RNF144B: variants seen among roughly 807,000 people sequenced by gnomAD.
The protein encoded by RNF144B is E3 ubiquitin-protein ligase RNF144B.
A neutral mutation model predicts 40.2 loss-of-function variants in RNF144B; 25 were observed. The observed-to-expected ratio is 0.62, with a 90% CI of 0.45 to 0.87. The LOEUF (loss-of-function observed/expected upper bound fraction) is 0.87. Among genes scored for constraint, RNF144B ranks in the 40% least tolerant of loss-of-function variants. The pLI, the probability that RNF144B is intolerant of heterozygous loss-of-function variation, is 0.00. For synonymous variants in RNF144B, 145 were observed against 136.3 expected (o/e 1.06, Z -0.44); for missense variants, 365 against 373.7 (o/e 0.98, Z 0.19).
At chr6:18,396,763 GA>G in intron 1 of RNF144B, 8 of 985,426 alleles carry the variant, frequency 8.1e-6, no homozygotes, top group South Asian at 4.7e-5. Flanking sequence ...ATGAGCCCGG[GA>G]GTACTGGAGA....
At position 18,387,582 on chromosome 6, in the gene RNF144B, G is replaced by A. The variant is rs1428920400; in HGVS notation, c.-85G>A. The stretch of plus-strand genomic sequence containing the variant: ...AGCCCGGACTGGCGGTGAGCGCGAG[G>A]GAGGCTACTGAGAAGCCCGGCGACG... On this transcript the variant is annotated 5_prime_UTR_variant, in exon 1 of 8. Coordinates refer to ENST00000259939, the MANE Select transcript of RNF144B (RefSeq NM_182757.4). 4 of 1,324,932 alleles carry A rather than the reference G, an allele frequency of 3.0e-6. No individual in the cohort carries two copies. Among genetic ancestry groups the A allele is most frequent in the Non-Finnish European group, 3.0e-6 (3 of 1,008,124 alleles). 82.1% of individuals were successfully genotyped at this position (1,324,932 alleles called of 1,614,324 possible).
At chr6:18,393,361 C>G (rs1794626130) in intron 1 of RNF144B, among the ~76,000 whole-genome samples, 1 of 152,182 alleles carries the variant, frequency 6.6e-6, no homozygotes, top group Admixed American at 6.5e-5. Flanking sequence ...CAAAGGAGGT[C>G]TACCATAAGC....
chr6:18,432,948 C>A (rs1209747299), intron 3 of RNF144B, among the ~76,000 whole-genome samples: 1 of 152,172 alleles, frequency 6.6e-6, no homozygotes, highest in African/African-American at 2.4e-5. Flanking sequence ...TAGGGCAGGG[C>A]ATTCTGGAGA....
intron 1 of RNF144B, among the ~76,000 whole-genome samples, chr6:18,390,629 T>C (rs1192504615): frequency 6.6e-6 from 1 of 152,262 alleles, no homozygotes; most frequent in Non-Finnish European, 1.5e-5. Context: ...CTAAATCTTT[T>C]GAAGTCACGA....
intron 2 of RNF144B, among the ~76,000 whole-genome samples, chr6:18,409,960 A>G (rs954880492): frequency 1.3e-5 from 2 of 152,164 alleles, no homozygotes; most frequent in African/African-American, 4.8e-5. Context: ...GTGGAACAGA[A>G]TTTTATTTCT....
intron 3 of RNF144B, among the ~76,000 whole-genome samples, chr6:18,438,134 A>G (rs1162783015): frequency 6.6e-6 from 1 of 152,202 alleles, no homozygotes; most frequent in African/African-American, 2.4e-5. Context: ...CCCATGATGA[A>G]TTAGCGACAA....
intron 4 of RNF144B, among the ~76,000 whole-genome samples, chr6:18,454,771 G>T (rs1487502593): frequency 6.6e-6 from 1 of 151,972 alleles, no homozygotes; most frequent in Non-Finnish European, 1.5e-5. Flanking sequence ...CTTCCCTTTT[G>T]TCACCCCAGA....
At position 18,405,688 on chromosome 6, in the gene RNF144B, C is replaced by T. The variant is rs1037937806; in HGVS notation, c.165+5989C>T. 2.6e-5 allele frequency among the ~76,000 whole-genome samples: 4 copies of T among 152,118 alleles called. No individual in the cohort carries two copies. The highest frequency in any genetic ancestry group is 7.2e-5 in the African/African-American group (3 of 41,410). ...TGGCACTATATTTTTCCACTGACAACGGAGCCACTGCAGGGTCAGATGGCA... is the reference window on the plus strand; with the variant it reads ...TGGCACTATATTTTTCCACTGACAATGGAGCCACTGCAGGGTCAGATGGCA... On this transcript the variant is annotated intron_variant, in intron 2 of 7. Transcript: ENST00000259939. The surrounding 1 kb of genome is among the most constrained non-coding windows in gnomAD (Gnocchi z 4.5).
intron 3 of RNF144B, 49 bp from the exon 4 acceptor site, chr6:18,439,626 TGGTAACTCA>T: frequency 2.6e-6 from 3 of 1,165,142 alleles, no homozygotes; most frequent in South Asian, 2.5e-5. Context: ...ATCAAAAGGC[TGGTAACTCA>T]GGGCACTATG....
chr6:18,411,274 T>C (rs1171218549), intron 2 of RNF144B, among the ~76,000 whole-genome samples: 22 of 150,914 alleles, frequency 1.5e-4, no homozygotes, highest in African/African-American at 5.4e-4. Flanking sequence ...TAAGCCACCG[T>C]GCCCAGTGAA....
In RNF144B at chr6:18,464,023, G is replaced by T. The variant is rs1351617024; in HGVS notation, c.771+643G>T. ...CCTGGCCCTGTCCTTGACACGTGGG[G>T]ATTATTACAATTCAAGATGAGATTT... On this transcript the variant is annotated intron_variant, in intron 7 of 7. Transcript: ENST00000259939. The surrounding 1 kb of genome is among the most constrained non-coding windows in gnomAD (Gnocchi z 6.1). Among the ~76,000 whole-genome samples the T allele has an allele frequency of 6.6e-6, 1 of 152,090 alleles. No individual in the cohort carries two copies. Among genetic ancestry groups the T allele is most frequent in the East Asian group, 1.9e-4 (1 of 5,176 alleles).
rs752677119 is a variant in RNF144B, at chr6:18,406,104, A to G, written c.165+6405A>G. 3 of 519,030 alleles carry G rather than the reference A, an allele frequency of 5.8e-6. No individual in the cohort carries two copies. The highest frequency in any genetic ancestry group is 1.4e-5 in the South Asian group (1 of 71,590). The allele number at this position is 519,030 out of a possible 1,614,324, so 32.2% of individuals were successfully genotyped here. On this transcript the variant is annotated intron_variant, in intron 2 of 7. Coordinates refer to ENST00000259939, the MANE Select transcript of RNF144B (RefSeq NM_182757.4). This position sits in a 1 kb window ranked among gnomAD's most constrained non-coding sequence, Gnocchi z 4.2. ...CTTGCATAGTTCTGATGGTTTGAAT[A>G]TAGTGGTGAACGATCAGATTAAGCC...
At position 18,459,756 on chromosome 6, in the gene RNF144B, G is replaced by C; in HGVS notation, c.681+5G>C. On this transcript the variant is annotated splice_donor_5th_base_variant and intron_variant, in intron 6 of 7. Coordinates refer to ENST00000259939, the MANE Select transcript of RNF144B (RefSeq NM_182757.4). The surrounding 1 kb of genome is among the most constrained non-coding windows in gnomAD (Gnocchi z 4.2). ...TACTGCCTCCAGAACTTGGATGTAA[G>C]TTCCACCTAGGTTTGTTGTATGGTG... 6.2e-7 allele frequency: 1 copy of C among 1,613,620 alleles called. No homozygotes were observed. Among genetic ancestry groups the C allele is most frequent in the Non-Finnish European group, 8.5e-7 (1 of 1,179,536 alleles).
chr6:18,405,984 C>T lies in RNF144B; in HGVS notation c.165+6285C>T. The stretch of plus-strand genomic sequence containing the variant: ...CCCCCACCCTCCTAATGAAAGAAGT[C>T]ATTTTCTGGGATGCCAGTATGGTTT... On this transcript the variant is annotated intron_variant, in intron 2 of 7. Coordinates refer to ENST00000259939, the MANE Select transcript of RNF144B (RefSeq NM_182757.4). This position sits in a 1 kb window ranked among gnomAD's most constrained non-coding sequence, Gnocchi z 4.5. The T allele has an allele frequency of 2.0e-6, 1 of 508,954 alleles. No individual in the cohort carries two copies. Among genetic ancestry groups the T allele is most frequent in the South Asian group, 1.4e-5 (1 of 70,236 alleles). The allele number at this position is 508,954 out of a possible 1,614,324, so 31.5% of individuals were successfully genotyped here.
chr6:18,431,134 C>T (rs1176447258), intron 3 of RNF144B, among the ~76,000 whole-genome samples: 1 of 151,830 alleles, frequency 6.6e-6, no homozygotes, highest in Non-Finnish European at 1.5e-5. Flanking sequence ...CCCAGCAGGG[C>T]TTACACAGCC....
In RNF144B at chr6:18,448,716, A is replaced by ACACACACCC. The variant is rs765398332; in HGVS notation, c.332-8438_332-8437insACACACCCC. Among the ~76,000 whole-genome samples the ACACACACCC allele has an allele frequency of 1.4e-5, 2 of 147,636 alleles. No homozygotes were observed. Among genetic ancestry groups the ACACACACCC allele is most frequent in the Admixed American group, 6.9e-5 (1 of 14,580 alleles). ...CACACACACACACACACACACACAC[A>ACACACACCC]CCCCACCCCCAAGATAGAACCAGCA... is the stretch of plus-strand genomic sequence containing the variant. On this transcript the variant is annotated intron_variant, in intron 4 of 7. Coordinates refer to ENST00000259939, the MANE Select transcript of RNF144B (RefSeq NM_182757.4). This position sits in a 1 kb window ranked among gnomAD's most constrained non-coding sequence, Gnocchi z 4.0.
intron 4 of RNF144B, among the ~76,000 whole-genome samples, chr6:18,453,487 G>C (rs1582444004): frequency 6.6e-6 from 1 of 151,768 alleles, no homozygotes; most frequent in Non-Finnish European, 1.5e-5. Flanking sequence ...ATATCTTAGA[G>C]GTCTTTCCAA....
At position 18,463,275 on chromosome 6, in the gene RNF144B, T is replaced by A; in HGVS notation, c.682-16T>A. 2.7e-6 allele frequency: 4 copies of A among 1,501,656 alleles called. No homozygotes were observed. Among genetic ancestry groups the A allele is most frequent in the Non-Finnish European group, 3.7e-6 (4 of 1,077,524 alleles). The allele number at this position is 1,501,656 out of a possible 1,614,324, so 93.0% of individuals were successfully genotyped here. On this transcript the variant is annotated splice_polypyrimidine_tract_variant and intron_variant, in intron 6 of 7. Coordinates refer to ENST00000259939, the MANE Select transcript of RNF144B (RefSeq NM_182757.4). ...AAAACTGCATATTTACTGAAATCAA[T>A]CTTTTTATTTTTCAGAATGACATTT...
chr6:18,464,822 G>C lies in RNF144B; in HGVS notation c.772-105G>C. ...TTAGGGTTTCAACATATGAGCTTCA[G>C]GGGGACACAAACATTTGGCCCACAG... is the stretch of plus-strand genomic sequence containing the variant. On this transcript the variant is annotated intron_variant, in intron 7 of 7. Coordinates refer to ENST00000259939, the MANE Select transcript of RNF144B (RefSeq NM_182757.4). This position sits in a 1 kb window ranked among gnomAD's most constrained non-coding sequence, Gnocchi z 6.1. The C allele has an allele frequency of 1.8e-6, 2 of 1,104,612 alleles. No individual in the cohort carries two copies. Among genetic ancestry groups the C allele is most frequent in the Non-Finnish European group, 2.7e-6 (2 of 751,660 alleles). 68.4% of individuals were successfully genotyped at this position (1,104,612 alleles called of 1,614,324 possible). A position where few individuals can be genotyped will look rare whatever the true frequency, so the allele number is the denominator to read the frequency against.
Sources: gnomAD v4.1 joint callset for allele counts (sites outside exome capture counted in the v4.1 genomes callset) on GRCh38, gnomAD v4.1.1 for gene constraint, Gnocchi (gnomAD v3.1) non-coding constraint, MANE v1.5 for transcripts, NCBI Gene and HGNC (gene_info 2026-07-23, HGNC 2026-07-21) for gene names.